The following MUC4 variants were observed in gnomAD, a reference collection of about 807,000 sequenced individuals.
MUC4 encodes the protein mucin-4.
A neutral mutation model predicts 257.9 loss-of-function variants in MUC4; 202 were observed. The observed-to-expected ratio is 0.78, with a 90% confidence interval of 0.70 to 0.88. MUC4 has a LOEUF of 0.88. Ranked by LOEUF, MUC4 falls within the 40% of genes least tolerant of loss-of-function variation. The pLI, the probability that MUC4 is intolerant of heterozygous loss-of-function variation, is 0.00. For missense variants in MUC4, 5,976 were observed against 6,513.7 expected (o/e 0.92, Z 2.84); for synonymous variants, 2,351 against 2,757.1 (o/e 0.85, Z 4.62).
At position 195,779,203 on chromosome 3, in the gene MUC4, G is replaced by GCGTGACCTGTGGATA; in HGVS notation, c.12376_12377insTATCCACAGGTCACG (p.Gln4125_Ala4126insValSerThrGlyHis). ...AAGGCTGGTGACAGGAAGAGGGGTG[G>GCGTGACCTGTGGATA]CCTGACCTGTGGATGCAGAGGAAGT... On this transcript the variant is annotated inframe_insertion, in exon 2 of 25. Transcript: ENST00000463781. The GCGTGACCTGTGGATA allele has an allele frequency of 7.4e-7, 1 of 1,342,876 alleles. No homozygotes were observed. Among genetic ancestry groups the GCGTGACCTGTGGATA allele is most frequent in the Non-Finnish European group, 1.0e-6 (1 of 1,000,476 alleles). 83.2% of individuals were successfully genotyped at this position (1,342,876 alleles called of 1,614,324 possible). A position where few individuals can be genotyped will look rare whatever the true frequency, so the allele number is the denominator to read the frequency against.
chr3:195,763,374 A>G (rs1719667955), intron 12 of MUC4, 59 bp downstream of exon 12: 7 of 1,377,566 alleles, frequency 5.1e-6, no homozygotes, highest in Non-Finnish European at 6.6e-6. Flanking sequence ...CGGCCTCAGT[A>G]TGTGGCTGAA....
chr3:195,769,224 CCCGT>C, intron 6 of MUC4, 72 bp from the exon 7 acceptor site: 1 of 1,570,832 alleles, frequency 6.4e-7, no homozygotes, highest in Non-Finnish European at 8.7e-7. Context: ...TGTCCCCCCG[CCCGT>C]CCCACAGCCC....
intron 4 of MUC4, 89 bp downstream of exon 4, chr3:195,774,083 A>C (rs1723796652): frequency 1.4e-6 from 2 of 1,421,636 alleles, no homozygotes; most frequent in African/African-American, 1.5e-5. Context: ...GGCTGCTTCC[A>C]TTCCCGCTTC....
chr3:195,765,567 T>C (rs1311427858), intron 8 of MUC4, 118 bp from the exon 9 acceptor site: 3 of 1,045,562 alleles, frequency 2.9e-6, no homozygotes, highest in East Asian at 2.6e-5. Context: ...TCTCACCTCT[T>C]TGGACCCAAG....
chr3:195,761,524 T>A lies in MUC4; in HGVS notation c.14574A>T (p.Pro4858=), dbSNP rs760193560. Residue 4858 remains proline (P), a synonymous_variant, in exon 15 of 25, where the codon CCA becomes CCT. Coordinates refer to ENST00000463781, the MANE Select transcript of MUC4 (RefSeq NM_018406.7). ...FRMPNGSTIP[P]GSPEEMLFHF... is the part of the protein sequence containing the mutation. ...GGAAAAGCATCTCCTCAGGGCTCCC[T>A]GGGGGAATGGTGGAGCCATTGGGCA... 6.2e-7 allele frequency: 1 copy of A among 1,614,104 alleles called. No individual in the cohort carries two copies. Among genetic ancestry groups the A allele is most frequent in the Non-Finnish European group, 8.5e-7 (1 of 1,179,966 alleles).
chr3:195,788,393 A>G lies in MUC4; in HGVS notation c.3187T>C (p.Ser1063Pro), dbSNP rs1452789801. Reference sequence around the variant, plus strand: ...GTGACGTGACCTGTGGATGCTGAGGAAGTGTCAGTGACAGGAAGAGGGGTG... The same window carrying G: ...GTGACGTGACCTGTGGATGCTGAGGGAGTGTCAGTGACAGGAAGAGGGGTG... Reference protein sequence around the residue: ...DSTPLPVTDTSSASTGHVTPL... With the variant: ...DSTPLPVTDTPSASTGHVTPL... Residue 1063 changes from serine to proline, a missense_variant, in exon 2 of 25, where the codon TCC (serine) becomes CCC (proline). Physicochemically the swap from Ser to Pro is moderately conservative, Grantham distance 74. Around this residue, in one of 44 missense-constraint regions of MUC4, gnomAD observed 68 missense variants for 90.4 expected, o/e 0.75. Coordinates refer to ENST00000463781, the MANE Select transcript of MUC4 (RefSeq NM_018406.7). 6.7e-7 allele frequency: 1 copy of G among 1,485,774 alleles called. No individual in the cohort carries two copies. The highest frequency in any genetic ancestry group is 1.5e-5 in the African/African-American group (1 of 65,780). 92.0% of individuals were successfully genotyped at this position (1,485,774 alleles called of 1,614,324 possible).
chr3:195,754,510 CCTT>C, intron 18 of MUC4, 138 bp from the exon 19 acceptor site: 1 of 1,158,672 alleles, frequency 8.6e-7, no homozygotes, highest in Non-Finnish European at 1.2e-6. Flanking sequence ...CTGCTGAGCA[CCTT>C]CTTGACCAGG....
Position 195,753,090 on chromosome 3 carries a change from A to G in MUC4, c.15469T>C (p.Phe5157Leu). 1 of 1,610,480 alleles carries G rather than the reference A, an allele frequency of 6.2e-7. No individual in the cohort carries two copies. The highest frequency in any genetic ancestry group is 2.2e-5 in the East Asian group (1 of 44,772). The change falls in exon 20 of 25, where the codon TTC becomes CTC. Residue 5157 changes from phenylalanine to leucine, a missense_variant. Physicochemically the swap from Phe to Leu is conservative, Grantham distance 22. Transcript: ENST00000463781. ...GGACTGAAGTTGTTCCCAGCCAGGA[A>G]GCAGCGGCTGTCAGTGAAGGCTGGG... ...CPPAFTDSRC[F>L]LAGNNFSPTV... is the part of the protein sequence containing the mutation.
In MUC4 at chr3:195,749,012, G is replaced by A. The variant is rs149167786; in HGVS notation, c.15924C>T (p.Tyr5308=). 3.3e-5 allele frequency: 53 copies of A among 1,608,964 alleles called. No individual in the cohort carries two copies. Among genetic ancestry groups the A allele is most frequent in the Middle Eastern group, 1.7e-4 (1 of 6,054 alleles). ...AYFRCDGYKG[Y]DLVYSPQSGF... is the part of the protein sequence containing the mutation. ...CGCTCTGGGGGCTGTAGACCAGGTC[G>A]TAGCCCTTGTAGCCATCGCATCTGA... The change falls in exon 24 of 25, where the codon TAC becomes TAT. Residue 5308 remains tyrosine (Y), a synonymous_variant. Coordinates refer to ENST00000463781, the MANE Select transcript of MUC4 (RefSeq NM_018406.7).
At position 195,746,887 on chromosome 3, in the gene MUC4, TGTGTG is replaced by T. The variant is rs1715135671; in HGVS notation, c.*284_*288del. The T allele has an allele frequency of 1.3e-3, 480 of 383,830 alleles. No individual in the cohort carries two copies. The highest frequency in any genetic ancestry group is 1.9e-3 in the East Asian group (56 of 29,218). 23.8% of individuals were successfully genotyped at this position (383,830 alleles called of 1,614,324 possible). ...GGGCCATCACCACATTATGAACTCG[TGTGTG>T]TGTGTGTGTGTGTGCACGCGCGCGT... On this transcript the variant is annotated 3_prime_UTR_variant, in exon 25 of 25. Transcript: ENST00000463781.
intron 7 of MUC4, among the ~76,000 whole-genome samples, chr3:195,768,335 C>T: frequency 6.6e-6 from 1 of 152,236 alleles, no homozygotes; most frequent in Non-Finnish European, 1.5e-5. Context: ...CACACCCCAG[C>T]ATATGGGAAC....
In MUC4 at chr3:195,755,570, A is replaced by G. The variant is rs939703073; in HGVS notation, c.15169-1198T>C. ...ACTGTGAGAAAACACAGCAGCCAGTACAGCAGCTCAGCAAAGGCTGCGGCG... is the reference window on the plus strand; with the variant it reads ...ACTGTGAGAAAACACAGCAGCCAGTGCAGCAGCTCAGCAAAGGCTGCGGCG... On this transcript the variant is annotated intron_variant, in intron 18 of 24. Transcript: ENST00000463781. The surrounding 1 kb of genome is among the most constrained non-coding windows in gnomAD (Gnocchi z 5.0). Among the ~76,000 whole-genome samples, 1 of 152,170 alleles carries G rather than the reference A, an allele frequency of 6.6e-6. No individual in the cohort carries two copies. The highest frequency in any genetic ancestry group is 1.5e-5 in the Non-Finnish European group (1 of 68,030).
intron 4 of MUC4, among the ~76,000 whole-genome samples, chr3:195,772,896 C>T (rs558779474): frequency 1.3e-4 from 15 of 111,546 alleles, no homozygotes; most frequent in Admixed American, 3.0e-4. Flanking sequence ...AGACACCCTC[C>T]CTTCATCGCT....
intron 10 of MUC4, among the ~76,000 whole-genome samples, chr3:195,764,390 G>T (rs1329274898): frequency 6.6e-6 from 1 of 152,148 alleles, no homozygotes; most frequent in Non-Finnish European, 1.5e-5. Flanking sequence ...ATCCAGCATG[G>T]CCCTTCTCAT....
At position 195,790,885 on chromosome 3, in the gene MUC4, G is replaced by C; in HGVS notation, c.695C>G (p.Thr232Arg). ...PSFSPSVHNVTGTVSQKTSPS... is the reference protein window; with the variant it reads ...PSFSPSVHNVRGTVSQKTSPS... ...AGATGTCTTCTGAGAAACAGTCCCTGTCACATTGTGTACACTTGGAGAGAA... is the reference window on the plus strand; with the variant it reads ...AGATGTCTTCTGAGAAACAGTCCCTCTCACATTGTGTACACTTGGAGAGAA... Residue 232 changes from threonine to arginine, a missense_variant, in exon 2 of 25, where the codon ACA becomes AGA. Coordinates refer to ENST00000463781, the MANE Select transcript of MUC4 (RefSeq NM_018406.7). 1.2e-6 allele frequency: 2 copies of C among 1,614,018 alleles called. No homozygotes were observed. The highest frequency in any genetic ancestry group is 1.7e-6 in the Non-Finnish European group (2 of 1,179,898).
intron 7 of MUC4, 83 bp downstream of exon 7, chr3:195,768,939 G>A: frequency 6.6e-7 from 1 of 1,519,660 alleles, no homozygotes; most frequent in Non-Finnish European, 8.9e-7. Flanking sequence ...CCTTGCCCCA[G>A]GATGGGAGTG....
rs1487307565 is a variant in MUC4, at chr3:195,747,326, G to C, written c.16089C>G (p.Ser5363Arg). 1.9e-6 allele frequency: 3 copies of C among 1,613,978 alleles called. No individual in the cohort carries two copies. Among genetic ancestry groups the C allele is most frequent in the African/African-American group, 2.7e-5 (2 of 74,956 alleles). The change falls in exon 25 of 25, where the codon AGC (serine) becomes AGG (arginine). Residue 5363 changes from serine to arginine, a missense_variant. Transcript: ENST00000463781. The part of the protein sequence containing the change: ...TAWGEHCEHL[S>R]MKLDAFFGIF... ...TGCCGAAGAACGCGTCGAGTTTCAT[G>C]CTCAGGTGCTCACAGTGCTCGCCCC...
At chr3:195,763,347 G>T in intron 12 of MUC4, 86 bp downstream of exon 12, 1 of 1,296,044 alleles carries the variant, frequency 7.7e-7, no homozygotes, top group East Asian at 3.0e-5. Flanking sequence ...CCCCTCCTTC[G>T]CTCTCTTCCT....
chr3:195,795,763 A>T (rs975237897), intron 1 of MUC4, among the ~76,000 whole-genome samples: 1 of 151,666 alleles, frequency 6.6e-6, no homozygotes, highest in South Asian at 2.1e-4. Context: ...CACTATAGAA[A>T]CAATTAAAAA....
Sources: gnomAD v4.1 joint callset for allele counts (sites outside exome capture counted in the v4.1 genomes callset) on GRCh38, gnomAD v4.1.1 for gene constraint, gnomAD v4.1.1 regional missense constraint, Gnocchi (gnomAD v3.1) non-coding constraint, MANE v1.5 for transcripts, NCBI Gene and HGNC (gene_info 2026-07-23, HGNC 2026-07-21) for gene names.